RERE: variants seen among roughly 807,000 people sequenced by gnomAD.
RERE encodes the protein arginine-glutamic acid dipeptide repeats protein.
A neutral mutation model predicts 146.1 loss-of-function variants in RERE; 40 were observed. The observed-to-expected ratio is 0.27, with a 90% CI of 0.21 to 0.36. RERE has a LOEUF of 0.36. Among genes scored for constraint, RERE ranks in the 10% least tolerant of loss-of-function variants. The probability of loss-of-function intolerance (pLI) is 1.00; values close to 1 mark genes in which losing one functional copy is unlikely to be tolerated. For synonymous variants in RERE, 1,003 were observed against 866.0 expected (o/e 1.16, Z -2.78); for missense variants, 1,933 against 2,138.7 (o/e 0.90, Z 1.90).
intron 11 of RERE, among the ~76,000 whole-genome samples, chr1:8,438,483 A>G (rs937751806): frequency 8.6e-4 from 131 of 152,250 alleles, no homozygotes; most frequent in Admixed American, 6.5e-5. Flanking sequence ...AAAACGGAAC[A>G]GAAGGTATAG....
At chr1:8,362,632 T>G in intron 16 of RERE, 51 bp downstream of exon 16, 1 of 1,612,100 alleles carries the variant, frequency 6.2e-7, no homozygotes, top group Non-Finnish European at 8.5e-7. Context: ...CAAACCAGTT[T>G]TAATGTGAGG....
At chr1:8,540,762 G>T (rs1645790770) in intron 7 of RERE, among the ~76,000 whole-genome samples, 1 of 152,176 alleles carries the variant, frequency 6.6e-6, no homozygotes, top group Non-Finnish European at 1.5e-5. Context: ...AGATATTTCA[G>T]TGTGTGTTCC....
intron 1 of RERE, among the ~76,000 whole-genome samples, chr1:8,735,083 TCTAA>T (rs995156457): frequency 1.3e-5 from 2 of 152,190 alleles, no homozygotes; most frequent in African/African-American, 2.4e-5. Flanking sequence ...ACTTAGACTA[TCTAA>T]CTTAAACTTC....
At chr1:8,768,545 C>G (rs1190042119) in intron 1 of RERE, among the ~76,000 whole-genome samples, 1 of 152,144 alleles carries the variant, frequency 6.6e-6, no homozygotes, top group Non-Finnish European at 1.5e-5. Context: ...TGAAATGCAG[C>G]TAGTGTGACT....
At chr1:8,648,480 C>G (rs1425022066) in intron 2 of RERE, among the ~76,000 whole-genome samples, 1 of 152,184 alleles carries the variant, frequency 6.6e-6, no homozygotes, top group Non-Finnish European at 1.5e-5. Flanking sequence ...TACCTACCTA[C>G]CTCCACCTCC....
At chr1:8,730,688 G>T (rs1339127497) in intron 1 of RERE, among the ~76,000 whole-genome samples, 2 of 152,170 alleles carry the variant, frequency 1.3e-5, no homozygotes, top group Admixed American at 6.5e-5. Context: ...ACCCAGGCTG[G>T]TGTACAGTGG....
intron 10 of RERE, among the ~76,000 whole-genome samples, chr1:8,487,381 C>A (rs888581475): frequency 5.3e-5 from 8 of 152,044 alleles, no homozygotes; most frequent in African/African-American, 1.9e-4. Context: ...GAGTTCGAGA[C>A]CAGGCTGGGC....
chr1:8,700,261 T>A lies in RERE; in HGVS notation c.-144-43820A>T, dbSNP rs1385277141. ...CGGAGGCTGCAGTGAGCCGAGACCA[T>A]GCCATTGCACTCCAGCCTGGGTGAC... On this transcript the variant is annotated intron_variant, in intron 1 of 22. Transcript: ENST00000400908. Among the ~76,000 whole-genome samples the A allele has an allele frequency of 2.0e-5, 3 of 151,734 alleles. No individual in the cohort carries two copies. In the East Asian group the frequency reaches 5.8e-4, roughly 29 times the overall value.
At chr1:8,366,916 CAA>C (rs5772317) in intron 12 of RERE, among the ~76,000 whole-genome samples, 14 of 107,690 alleles carry the variant, frequency 1.3e-4, no homozygotes, top group African/African-American at 3.1e-4. Context: ...AAAAAAAAAA[CAA>C]AAAAAAAAAA....
In RERE at chr1:8,496,150, T is replaced by TA. The variant is rs36115213; in HGVS notation, c.1005-989dup. Among the ~76,000 whole-genome samples the TA allele has an allele frequency of 9.7e-3, 1,151 of 118,388 alleles. 10 individuals carry two copies. The highest frequency in any genetic ancestry group is 0.022 in the South Asian group (83 of 3,812). The allele number at this position is 118,388 out of a possible 152,430, so 77.7% of individuals were successfully genotyped here. On this transcript the variant is annotated intron_variant, in intron 9 of 22. Transcript: ENST00000400908. ...TGCACTCCAGTGTGAGACCCTGTCTTAAAAAAAAAAAAAAAAAAAGGTGAG... is the reference window on the plus strand; with the variant it reads ...TGCACTCCAGTGTGAGACCCTGTCTTAAAAAAAAAAAAAAAAAAAAGGTGAG...
chr1:8,487,743 G>C (rs1379124532), intron 10 of RERE, among the ~76,000 whole-genome samples: 12 of 152,056 alleles, frequency 7.9e-5, no homozygotes, highest in Admixed American at 7.9e-4. Context: ...GATCATAAAG[G>C]AAGAGGTAAA....
chr1:8,442,789 A>G lies in RERE; in HGVS notation c.1204-19982T>C, dbSNP rs544809556. Among the ~76,000 whole-genome samples, 5 of 152,322 alleles carry G rather than the reference A, an allele frequency of 3.3e-5. No individual in the cohort carries two copies. In the East Asian group the frequency reaches 9.6e-4, roughly 29 times the overall value. Reference sequence around the variant, plus strand: ...GAGGGAAAGTTTGGAACTTCTTAAAAGACTGGTTAAATGGTTGTGACCAAA... The same window carrying G: ...GAGGGAAAGTTTGGAACTTCTTAAAGGACTGGTTAAATGGTTGTGACCAAA... On this transcript the variant is annotated intron_variant, in intron 11 of 22. Transcript: ENST00000400908.
In RERE at chr1:8,498,142, C is replaced by T. The variant is rs570688512; in HGVS notation, c.880-613G>A. On this transcript the variant is annotated intron_variant, in intron 8 of 22. Coordinates refer to ENST00000400908, the MANE Select transcript of RERE (RefSeq NM_001042681.2). ...TTGGGAGGCCGAGGTGGGTGGATCACAAGGTCAGGAGTTCAAGACCAGCCT... is the reference window on the plus strand; with the variant it reads ...TTGGGAGGCCGAGGTGGGTGGATCATAAGGTCAGGAGTTCAAGACCAGCCT... Among the ~76,000 whole-genome samples, 270 of 149,896 alleles carry T rather than the reference C, an allele frequency of 1.8e-3. 1 individual carries two copies. The highest frequency in any genetic ancestry group is 2.9e-3 in the Non-Finnish European group (192 of 67,336).
At chr1:8,465,681 C>T in intron 11 of RERE, 1 of 598,000 alleles carries the variant, frequency 1.7e-6, no homozygotes, top group Non-Finnish European at 3.1e-6. Flanking sequence ...CTATCAATTT[C>T]TCCTTTCTTT....
At chr1:8,610,627 A>T (rs1646782378) in intron 4 of RERE, among the ~76,000 whole-genome samples, 1 of 152,070 alleles carries the variant, frequency 6.6e-6, no homozygotes, top group Non-Finnish European at 1.5e-5. Flanking sequence ...GAATGACCAG[A>T]ATTTGTATAA....
intron 1 of RERE, among the ~76,000 whole-genome samples, chr1:8,713,454 C>T (rs1375458226): frequency 6.6e-6 from 1 of 152,124 alleles, no homozygotes; most frequent in Non-Finnish European, 1.5e-5. Context: ...AAAACTTTGG[C>T]CAGGCACAGT....
intron 4 of RERE, among the ~76,000 whole-genome samples, chr1:8,603,031 T>G (rs1646652858): frequency 6.6e-6 from 1 of 152,244 alleles, no homozygotes; most frequent in African/African-American, 2.4e-5. Context: ...TGATGCTGGC[T>G]GACAGTGCCT....
At chr1:8,359,018 G>A (rs1641437666) in intron 19 of RERE, 102 bp from the exon 20 acceptor site, 2 of 1,377,584 alleles carry the variant, frequency 1.5e-6, no homozygotes, top group Non-Finnish European at 9.5e-7. Flanking sequence ...GGCCTGCTCT[G>A]ACAGGCCAAC....
chr1:8,545,412 A>G (rs1405483084), intron 6 of RERE, among the ~76,000 whole-genome samples: 1 of 152,176 alleles, frequency 6.6e-6, no homozygotes, highest in Non-Finnish European at 1.5e-5. Context: ...GAAAAGGATG[A>G]AGAAGAGACA....
Sources: gnomAD v4.1 joint callset for allele counts (sites outside exome capture counted in the v4.1 genomes callset) on GRCh38, gnomAD v4.1.1 for gene constraint, MANE v1.5 for transcripts, NCBI Gene and HGNC (gene_info 2026-07-23, HGNC 2026-07-21) for gene names.